AUTS2: variants seen among roughly 807,000 people sequenced by gnomAD.
The protein encoded by AUTS2 is autism susceptibility gene 2 protein.
Under a neutral mutation model 112.4 loss-of-function variants are expected in AUTS2, and 17 were observed. The observed-to-expected ratio is 0.15, with a 90% CI of 0.10 to 0.23. The LOEUF is 0.23. Ranked by LOEUF, AUTS2 falls within the 10% of genes least tolerant of loss-of-function variation. The pLI, the probability that AUTS2 is intolerant of heterozygous loss-of-function variation, is 1.00. For synonymous variants in AUTS2, 751 were observed against 702.7 expected (o/e 1.07, Z -1.09); for missense variants, 1,510 against 1,701.6 (o/e 0.89, Z 1.98).
intron 2 of AUTS2, among the ~76,000 whole-genome samples, chr7:69,981,397 T>C (rs1277141171): frequency 6.6e-6 from 1 of 152,264 alleles, no homozygotes; most frequent in Non-Finnish European, 1.5e-5. Flanking sequence ...AGGATGTATG[T>C]CATTTTTATT....
intron 4 of AUTS2, among the ~76,000 whole-genome samples, chr7:70,253,258 AAAG>A (rs1786692839): frequency 6.6e-6 from 1 of 152,182 alleles, no homozygotes; most frequent in Admixed American, 6.5e-5. Flanking sequence ...GGAATGGAAA[AAAG>A]AAATTTTTTG....
At position 70,766,760 on chromosome 7, in the gene AUTS2, G is replaced by A. The variant is rs1789973824; in HGVS notation, c.1689+426G>A. Among the ~76,000 whole-genome samples the A allele has an allele frequency of 6.6e-6, 1 of 152,198 alleles. No individual in the cohort carries two copies. On this transcript the variant is annotated intron_variant, in intron 9 of 18. Coordinates refer to ENST00000342771, the MANE Select transcript of AUTS2 (RefSeq NM_015570.4). This position sits in a 1 kb window ranked among gnomAD's most constrained non-coding sequence, Gnocchi z 4.8. The stretch of plus-strand genomic sequence containing the variant: ...AAGAAGAGAGAAGAGAAGGGAGAGA[G>A]ACCTCTGCCAGGAGGCTGGGACTGC...
intron 5 of AUTS2, among the ~76,000 whole-genome samples, chr7:70,530,988 T>A (rs1037814534): frequency 3.9e-5 from 6 of 152,158 alleles, no homozygotes; most frequent in African/African-American, 7.2e-5. Context: ...TCCCTAGAAG[T>A]AGGCAGGCCT....
chr7:70,009,220 A>G lies in AUTS2; in HGVS notation c.523-108912A>G, dbSNP rs887857025. Among the ~76,000 whole-genome samples the G allele has an allele frequency of 4.6e-5, 7 of 152,128 alleles. No individual in the cohort carries two copies. The South Asian group carries it at 6.2e-4, about 13-fold the overall frequency. ...ACTTTAATAACAACCCACTCTCGCA[A>G]TAACCAACCCAACTCCAGTGTGAAT... On this transcript the variant is annotated intron_variant, in intron 2 of 18. Coordinates refer to ENST00000342771, the MANE Select transcript of AUTS2 (RefSeq NM_015570.4).
intron 4 of AUTS2, among the ~76,000 whole-genome samples, chr7:70,205,393 A>G (rs1443131524): frequency 6.6e-6 from 1 of 152,164 alleles, no homozygotes; most frequent in Non-Finnish European, 1.5e-5. Context: ...GAGGTCAGAT[A>G]GGGCAAATGC....
chr7:69,795,553 T>C (rs1262415030), intron 1 of AUTS2, among the ~76,000 whole-genome samples: 5 of 152,084 alleles, frequency 3.3e-5, no homozygotes, highest in African/African-American at 1.2e-4. Flanking sequence ...GAAAAATAAA[T>C]GATTAGCAGA....
At chr7:69,919,974 GA>G (rs1482829127) in intron 2 of AUTS2, among the ~76,000 whole-genome samples, 2 of 142,832 alleles carry the variant, frequency 1.4e-5, no homozygotes, top group African/African-American at 5.2e-5. Flanking sequence ...ACATTAGATT[GA>G]AAAACGTAAA....
chr7:70,739,624 A>C (rs1585603953), intron 6 of AUTS2, among the ~76,000 whole-genome samples: 1 of 152,132 alleles, frequency 6.6e-6, no homozygotes, highest in South Asian at 2.1e-4. Flanking sequence ...AAATAACTAA[A>C]GTTGTAGAAT....
intron 4 of AUTS2, among the ~76,000 whole-genome samples, chr7:70,369,156 A>C (rs58078332): frequency 0.03 from 4,508 of 152,282 alleles, 272 homozygotes; most frequent in African/African-American, 0.1. Context: ...GAATGGGAAG[A>C]GAAACCATTG....
intron 13 of AUTS2, chr7:70,776,614 TAAAATA>T (rs1303869182): frequency 6.2e-6 from 1 of 160,888 alleles, no homozygotes; most frequent in African/African-American, 2.4e-5. Context: ...CTTTGGGGGT[TAAAATA>T]AAAACCACCA....
At chr7:70,571,558 C>A (rs141608175) in intron 5 of AUTS2, among the ~76,000 whole-genome samples, 1 of 152,288 alleles carries the variant, frequency 6.6e-6, no homozygotes, top group East Asian at 1.9e-4. Flanking sequence ...TCACTAGAGT[C>A]AATAAGGAGA....
chr7:70,695,319 G>C (rs1809025105), intron 5 of AUTS2, among the ~76,000 whole-genome samples: 1 of 152,208 alleles, frequency 6.6e-6, no homozygotes, highest in South Asian at 2.1e-4. Flanking sequence ...AGGGCCTGGC[G>C]TTCGCCGCCA....
At chr7:69,744,218 CT>C (rs1452301141) in intron 1 of AUTS2, among the ~76,000 whole-genome samples, 1 of 152,110 alleles carries the variant, frequency 6.6e-6, no homozygotes, top group Non-Finnish European at 1.5e-5. Context: ...CTGGCGATGG[CT>C]TTTGGGTTGT....
At chr7:69,806,197 CTTTT>C (rs56704400) in intron 1 of AUTS2, among the ~76,000 whole-genome samples, 1,121 of 55,092 alleles carry the variant, frequency 0.02, 43 homozygotes, top group African/African-American at 0.065. Context: ...CCAGCCAAGG[CTTTT>C]TTTTTTTTTT....
intron 2 of AUTS2, among the ~76,000 whole-genome samples, chr7:69,900,884 C>T (rs1357786341): frequency 6.6e-6 from 1 of 152,144 alleles, no homozygotes; most frequent in African/African-American, 2.4e-5. Flanking sequence ...TTACCTAATG[C>T]ATACTATGCT....
intron 4 of AUTS2, among the ~76,000 whole-genome samples, chr7:70,171,894 G>T: frequency 6.9e-6 from 1 of 145,612 alleles, no homozygotes; most frequent in Admixed American, 6.8e-5. Flanking sequence ...TTATAAACAA[G>T]TTTTTTTTTT....
chr7:70,158,660 T>C (rs762468693), intron 4 of AUTS2, among the ~76,000 whole-genome samples: 9 of 151,976 alleles, frequency 5.9e-5, no homozygotes, highest in Non-Finnish European at 1.0e-4. Context: ...CCTGTGGGAG[T>C]TTGAGTCTGG....
At chr7:70,229,843 G>A (rs987235292) in intron 4 of AUTS2, among the ~76,000 whole-genome samples, 2 of 152,030 alleles carry the variant, frequency 1.3e-5, no homozygotes, top group African/African-American at 4.8e-5. Context: ...AAATCTCCTG[G>A]TGAGGTTCTC....
At chr7:69,780,520 T>C (rs1169008159) in intron 1 of AUTS2, among the ~76,000 whole-genome samples, 1 of 152,194 alleles carries the variant, frequency 6.6e-6, no homozygotes, top group East Asian at 1.9e-4. Flanking sequence ...GTCTGAATTT[T>C]TGGCCTAGGG....
Sources: allele counts gnomAD v4.1 joint callset (sites outside exome capture counted in the v4.1 genomes callset), GRCh38; gene constraint gnomAD v4.1.1; non-coding constraint Gnocchi (gnomAD v3.1); transcripts MANE v1.5; gene names NCBI Gene and HGNC (gene_info 2026-07-23, HGNC 2026-07-21).